Variants in BANP observed in about 807,000 individuals in gnomAD.
BANP encodes the protein protein BANP.
A neutral mutation model predicts 68.1 loss-of-function variants in BANP; 11 were observed. The observed-to-expected ratio is 0.16, with a 90% CI of 0.10 to 0.27. The LOEUF (loss-of-function observed/expected upper bound fraction) is 0.27. Ranked by LOEUF, BANP falls within the 10% of genes least tolerant of loss-of-function variation. BANP has a pLI of 1.00. For missense variants in BANP, 504 were observed against 722.7 expected (o/e 0.70, Z 3.47); for synonymous variants, 329 against 303.2 (o/e 1.09, Z -0.88).
At position 88,058,192 on chromosome 16, in the gene BANP, G is replaced by T. The variant is rs191360771; in HGVS notation, c.1312-7075G>T. On this transcript the variant is annotated intron_variant, in intron 11 of 13. Transcript: ENST00000682872. Reference sequence around the variant, plus strand: ...AGCTGGTGCTAAAGTGTGTTGAGGTGCCTGAAAGAGAAGCTTTTGTTTTTT... The same window carrying T: ...AGCTGGTGCTAAAGTGTGTTGAGGTTCCTGAAAGAGAAGCTTTTGTTTTTT... 2.6e-5 allele frequency among the ~76,000 whole-genome samples: 4 copies of T among 152,314 alleles called. No homozygotes were observed. In the East Asian group the frequency reaches 7.7e-4, roughly 29 times the overall value.
chr16:88,050,305 G>A (rs1041365249), intron 11 of BANP, among the ~76,000 whole-genome samples: 1 of 151,870 alleles, frequency 6.6e-6, no homozygotes, highest in African/African-American at 2.4e-5. Context: ...CACAGCTCGG[G>A]CTACCACACC....
intron 1 of BANP, among the ~76,000 whole-genome samples, chr16:87,958,324 A>G (rs1209741349): frequency 1.3e-5 from 2 of 152,224 alleles, no homozygotes; most frequent in Non-Finnish European, 2.9e-5. Flanking sequence ...AAAATGGAGC[A>G]TGCCTTGGAT....
chr16:88,020,942 T>A (rs544810783), intron 7 of BANP, among the ~76,000 whole-genome samples: 1 of 152,310 alleles, frequency 6.6e-6, no homozygotes, highest in East Asian at 1.9e-4. Context: ...TGGCTGTGTC[T>A]GTATTCAGGG....
rs1449367986 is a variant in BANP at position 88,039,484 on chromosome 16, C to T, written c.1311+1473C>T. 4.1e-5 allele frequency among the ~76,000 whole-genome samples: 6 copies of T among 145,034 alleles called. 1 individual carries two copies. Among genetic ancestry groups the T allele is most frequent in the South Asian group, 4.5e-4 (2 of 4,410 alleles). ...TAGTGGAACTGTATCATAGTTGAAACGCTGCTGGACGTTTAATTCCTAGGA... is the reference window on the plus strand; with the variant it reads ...TAGTGGAACTGTATCATAGTTGAAATGCTGCTGGACGTTTAATTCCTAGGA... On this transcript the variant is annotated intron_variant, in intron 11 of 13. Coordinates refer to ENST00000682872, the MANE Select transcript of BANP (RefSeq NM_001386991.1).
intron 3 of BANP, among the ~76,000 whole-genome samples, chr16:87,983,506 G>T (rs2063698613): frequency 6.6e-6 from 1 of 152,156 alleles, no homozygotes; most frequent in Non-Finnish European, 1.5e-5. Context: ...GACTCAGCCG[G>T]AAAGGTCAGA....
At chr16:88,050,916 C>T (rs982747721) in intron 11 of BANP, among the ~76,000 whole-genome samples, 4 of 151,940 alleles carry the variant, frequency 2.6e-5, no homozygotes, top group Non-Finnish European at 5.9e-5. Context: ...CAAACTCCTG[C>T]GCTCAAGCGA....
rs992182759 is a variant in BANP, at chr16:88,002,363, C to A, written c.363-1932C>A. Among the ~76,000 whole-genome samples, 3 of 151,964 alleles carry A rather than the reference C, an allele frequency of 2.0e-5. No homozygotes were observed. Among genetic ancestry groups the A allele is most frequent in the Admixed American group, 2.0e-4 (3 of 15,242 alleles). ...ACTTACCAAGGGCTTTCTAGTCAGC[C>A]GGTGAGGTGCTGGTTTTGTCACGCC... On this transcript the variant is annotated intron_variant, in intron 4 of 13. Coordinates refer to ENST00000682872, the MANE Select transcript of BANP (RefSeq NM_001386991.1). The surrounding 1 kb of genome is among the most constrained non-coding windows in gnomAD (Gnocchi z 4.6).
chr16:88,026,557 G>A (rs560386299), intron 7 of BANP, among the ~76,000 whole-genome samples: 16 of 152,258 alleles, frequency 1.1e-4, no homozygotes, highest in Admixed American at 7.8e-4. Context: ...CTGTGTTTGC[G>A]AGGGGAACAG....
intron 11 of BANP, among the ~76,000 whole-genome samples, chr16:88,048,704 C>T (rs1185405611): frequency 6.6e-6 from 1 of 151,862 alleles, no homozygotes; most frequent in African/African-American, 2.4e-5. Flanking sequence ...AAAGAAAGGA[C>T]GTCCATTCTA....
At chr16:88,070,519 G>A (rs963596997) in intron 12 of BANP, among the ~76,000 whole-genome samples, 5 of 152,116 alleles carry the variant, frequency 3.3e-5, no homozygotes, top group East Asian at 1.9e-4. Context: ...CTATTCGCCC[G>A]AGGCTGGTCC....
At chr16:87,968,970 C>T (rs1362431283) in intron 1 of BANP, among the ~76,000 whole-genome samples, 2 of 152,074 alleles carry the variant, frequency 1.3e-5, no homozygotes, top group Admixed American at 6.5e-5. Context: ...TCACCCATGC[C>T]CCAGGCTGTT....
At chr16:87,958,806 A>G (rs1427371816) in intron 1 of BANP, among the ~76,000 whole-genome samples, 2 of 152,212 alleles carry the variant, frequency 1.3e-5, no homozygotes, top group Non-Finnish European at 2.9e-5. Context: ...CTCTATGGAG[A>G]TCAGACTAAT....
intron 4 of BANP, among the ~76,000 whole-genome samples, chr16:87,995,248 T>G (rs1462679781): frequency 6.6e-6 from 1 of 152,228 alleles, no homozygotes; most frequent in African/African-American, 2.4e-5. Flanking sequence ...AAGTAGGCTG[T>G]GGGCTGCCCT....
Position 88,033,905 on chromosome 16 carries a change from G to A in BANP, c.1200+660G>A, listed in dbSNP as rs553308185. Among the ~76,000 whole-genome samples the A allele has an allele frequency of 6.8e-5, 10 of 148,024 alleles. No homozygotes were observed. The East Asian group carries it at 1.9e-3, about 29-fold the overall frequency. ...ATGAGAGTAGGGCGTGGCTGAGAAG[G>A]AAGGAAGACTTTTCTGGAAGCTTTG... On this transcript the variant is annotated intron_variant, in intron 9 of 13. Coordinates refer to ENST00000682872, the MANE Select transcript of BANP (RefSeq NM_001386991.1).
rs561368954 is a variant in BANP, at chr16:88,073,822, C to T, written c.1521+1610C>T. Reference sequence around the variant, plus strand: ...TTTCCGATTTCAGAATTGAACAAACCTGTGTCCCATGGTTGGTGTTTACAC... The same window carrying T: ...TTTCCGATTTCAGAATTGAACAAACTTGTGTCCCATGGTTGGTGTTTACAC... On this transcript the variant is annotated intron_variant, in intron 13 of 13. Transcript: ENST00000682872. 8.5e-5 allele frequency among the ~76,000 whole-genome samples: 13 copies of T among 152,374 alleles called. No homozygotes were observed. In the East Asian group the frequency reaches 2.1e-3, roughly 25 times the overall value.
At chr16:88,019,795 C>G (rs1485592859) in intron 7 of BANP, among the ~76,000 whole-genome samples, 6 of 152,060 alleles carry the variant, frequency 3.9e-5, no homozygotes, top group African/African-American at 1.4e-4. Flanking sequence ...CAGTGTGGCC[C>G]GTGAGCCTCT....
intron 11 of BANP, among the ~76,000 whole-genome samples, chr16:88,047,021 G>A (rs964549722): frequency 3.1e-4 from 47 of 152,002 alleles, no homozygotes; most frequent in African/African-American, 1.1e-3. Context: ...AGCCAAGATT[G>A]CGCCATTGCA....
At chr16:87,971,909 C>G (rs1398623594) in intron 1 of BANP, among the ~76,000 whole-genome samples, 1 of 152,158 alleles carries the variant, frequency 6.6e-6, no homozygotes, top group East Asian at 1.9e-4. Context: ...TTTCCCACCT[C>G]AGCCTCCTGA....
chr16:88,043,057 G>C (rs1290719149), intron 11 of BANP, among the ~76,000 whole-genome samples: 4 of 152,208 alleles, frequency 2.6e-5, no homozygotes, highest in Non-Finnish European at 1.5e-5. Context: ...GTCACTGTGG[G>C]AGCTGCCTAA....
Sources: gnomAD v4.1 joint callset for allele counts (sites outside exome capture counted in the v4.1 genomes callset) on GRCh38, gnomAD v4.1.1 for gene constraint, Gnocchi (gnomAD v3.1) non-coding constraint, MANE v1.5 for transcripts, NCBI Gene and HGNC (gene_info 2026-07-23, HGNC 2026-07-21) for gene names.